ADAMTS2: variants seen among roughly 807,000 people sequenced by gnomAD.
ADAMTS2 encodes the protein A disintegrin and metalloproteinase with thrombospondin motifs 2.
ADAMTS2 carries 50 observed loss-of-function variants against 123.0 expected under a neutral mutation model. The ratio of observed to expected loss-of-function variants is 0.41; its 90% CI spans 0.32 to 0.51. The LOEUF (loss-of-function observed/expected upper bound fraction) is 0.51. ADAMTS2 is among the 20% of genes least tolerant of loss of function. ADAMTS2 has a pLI of 0.35. For synonymous variants in ADAMTS2, 678 were observed against 695.4 expected (o/e 0.98, Z 0.39); for missense variants, 1,494 against 1,705.2 (o/e 0.88, Z 2.18).
intron 2 of ADAMTS2, among the ~76,000 whole-genome samples, chr5:179,325,998 C>T (rs530535458): frequency 1.4e-4 from 21 of 152,346 alleles, no homozygotes; most frequent in Admixed American, 1.2e-3. Flanking sequence ...CTGAGGGGTG[C>T]GGAGGAAGGG....
chr5:179,334,945 ATATACTATGT>A (rs1433458424), intron 2 of ADAMTS2, among the ~76,000 whole-genome samples: 2 of 152,264 alleles, frequency 1.3e-5, no homozygotes, highest in Non-Finnish European at 2.9e-5. Flanking sequence ...AGCTGAAAAA[ATATACTATGT>A]TCCTGATGAA....
chr5:179,323,470 G>A (rs2113597436), intron 2 of ADAMTS2, among the ~76,000 whole-genome samples: 1 of 152,370 alleles, frequency 6.6e-6, no homozygotes, highest in African/African-American at 2.4e-5. Context: ...TGGACACCTG[G>A]TCCTGCCACA....
intron 2 of ADAMTS2, among the ~76,000 whole-genome samples, chr5:179,286,706 G>A (rs547258129): frequency 2.6e-5 from 4 of 152,202 alleles, no homozygotes; most frequent in South Asian, 2.1e-4. Context: ...TAGGTTGCTC[G>A]GGCAGCCATC....
intron 4 of ADAMTS2, among the ~76,000 whole-genome samples, chr5:179,205,453 C>T (rs1267230566): frequency 1.3e-5 from 2 of 152,240 alleles, no homozygotes; most frequent in Non-Finnish European, 2.9e-5. Flanking sequence ...GCCCATTTTA[C>T]AGATGAGAAA....
chr5:179,207,471 A>ACCCACCCCCCCCCC, intron 4 of ADAMTS2, 42 bp downstream of exon 4: 1 of 1,026,472 alleles, frequency 9.7e-7, no homozygotes, highest in Non-Finnish European at 1.5e-6. Context: ...CCCCTGGTTG[A>ACCCACCCCCCCCCC]CCCTCCCCGC....
intron 2 of ADAMTS2, among the ~76,000 whole-genome samples, chr5:179,288,920 C>T (rs927485442): frequency 5.3e-5 from 8 of 152,240 alleles, no homozygotes; most frequent in East Asian, 1.9e-4. Flanking sequence ...CAGCACAGCA[C>T]GGCACGGCAT....
At chr5:179,344,971 A>G (rs1032829352) in intron 1 of ADAMTS2, among the ~76,000 whole-genome samples, 1 of 151,770 alleles carries the variant, frequency 6.6e-6, no homozygotes, top group Non-Finnish European at 1.5e-5. Context: ...AGGAGCCGCC[A>G]GTGCTCCGAG....
intron 3 of ADAMTS2, among the ~76,000 whole-genome samples, chr5:179,269,554 C>T (rs1279322314): frequency 6.6e-6 from 1 of 152,146 alleles, no homozygotes; most frequent in African/African-American, 2.4e-5. Flanking sequence ...GAAAGACCCA[C>T]CCCCATGATT....
chr5:179,174,458 A>G (rs1341023549), intron 5 of ADAMTS2, among the ~76,000 whole-genome samples: 5 of 152,194 alleles, frequency 3.3e-5, no homozygotes, highest in Non-Finnish European at 7.3e-5. Context: ...ATGCTTAGAA[A>G]GCTCTTGACA....
chr5:179,129,557 C>G lies in ADAMTS2; in HGVS notation c.2457+375G>C, dbSNP rs763743801. Among the ~76,000 whole-genome samples, 3 of 152,206 alleles carry G rather than the reference C, an allele frequency of 2.0e-5. No homozygotes were observed. The highest frequency in any genetic ancestry group is 4.4e-5 in the Non-Finnish European group (3 of 68,038). On this transcript the variant is annotated intron_variant, in intron 16 of 21. Transcript: ENST00000251582. The surrounding 1 kb of genome is among the most constrained non-coding windows in gnomAD (Gnocchi z 4.1). Reference sequence around the variant, plus strand: ...GCTTAGAGACACAGTCCAGCTCAACCTGGGTCTGGGCATCTAGCTTCCCAG... The same window carrying G: ...GCTTAGAGACACAGTCCAGCTCAACGTGGGTCTGGGCATCTAGCTTCCCAG...
intron 2 of ADAMTS2, among the ~76,000 whole-genome samples, chr5:179,286,416 G>A (rs535434216): frequency 1.5e-3 from 224 of 151,842 alleles, no homozygotes; most frequent in Non-Finnish European, 2.3e-3. Context: ...AGCACTCCCA[G>A]AGACAGAGCC....
chr5:179,265,006 C>A (rs1350542232), intron 3 of ADAMTS2, among the ~76,000 whole-genome samples: 3 of 152,152 alleles, frequency 2.0e-5, no homozygotes, highest in Non-Finnish European at 4.4e-5. Context: ...CACACTGACC[C>A]CTGCACCAAC....
In ADAMTS2 at chr5:179,113,823, T is replaced by C. The variant is rs763448736; in HGVS notation, c.*44A>G. ...GATTTGCTATCCCATGGAATATCTC[T>C]ATAAGCAAGAAAAAAATGCTAGGGA... On this transcript the variant is annotated 3_prime_UTR_variant, in exon 22 of 22. Transcript: ENST00000251582. 1.8e-5 allele frequency: 29 copies of C among 1,588,148 alleles called. No homozygotes were observed. The highest frequency in any genetic ancestry group is 2.4e-5 in the Non-Finnish European group (28 of 1,156,546).
At chr5:179,274,842 G>A (rs1301399850) in intron 2 of ADAMTS2, among the ~76,000 whole-genome samples, 3 of 152,378 alleles carry the variant, frequency 2.0e-5, no homozygotes, top group South Asian at 4.1e-4. Flanking sequence ...AGGGCCTGGA[G>A]GAACACAGAG....
rs763743801 is a variant in ADAMTS2, at chr5:179,129,557, C to T, written c.2457+375G>A. 1.5e-4 allele frequency among the ~76,000 whole-genome samples: 23 copies of T among 152,206 alleles called. No homozygotes were observed. The highest frequency in any genetic ancestry group is 2.6e-4 in the Non-Finnish European group (18 of 68,038). ...GCTTAGAGACACAGTCCAGCTCAAC[C>T]TGGGTCTGGGCATCTAGCTTCCCAG... On this transcript the variant is annotated intron_variant, in intron 16 of 21. Coordinates refer to ENST00000251582, the MANE Select transcript of ADAMTS2 (RefSeq NM_014244.5). This position sits in a 1 kb window ranked among gnomAD's most constrained non-coding sequence, Gnocchi z 4.1.
intron 2 of ADAMTS2, among the ~76,000 whole-genome samples, chr5:179,326,012 A>G (rs1438603404): frequency 6.6e-6 from 1 of 152,236 alleles, no homozygotes. Context: ...GGAAGGGATC[A>G]GAGCGCTCCC....
chr5:179,130,160 G>A lies in ADAMTS2; in HGVS notation c.2291-62C>T. Reference sequence around the variant, plus strand: ...CCCAAGAGCAGGACCCAGGCCCACTGGTTTGGGCTGGTCGGGGAGTGGGGG... The same window carrying A: ...CCCAAGAGCAGGACCCAGGCCCACTAGTTTGGGCTGGTCGGGGAGTGGGGG... On this transcript the variant is annotated intron_variant, in intron 15 of 21. Transcript: ENST00000251582. This position sits in a 1 kb window ranked among gnomAD's most constrained non-coding sequence, Gnocchi z 4.3. 1.2e-6 allele frequency: 2 copies of A among 1,605,564 alleles called. No homozygotes were observed. Among genetic ancestry groups the A allele is most frequent in the Non-Finnish European group, 8.5e-7 (1 of 1,174,304 alleles).
chr5:179,202,941 C>A lies in ADAMTS2; in HGVS notation c.891+4572G>T, dbSNP rs1322296030. Among the ~76,000 whole-genome samples, 2 of 152,216 alleles carry A rather than the reference C, an allele frequency of 1.3e-5. No individual in the cohort carries two copies. The highest frequency in any genetic ancestry group is 2.9e-5 in the Non-Finnish European group (2 of 68,042). On this transcript the variant is annotated intron_variant, in intron 4 of 21. Transcript: ENST00000251582. The surrounding 1 kb of genome is among the most constrained non-coding windows in gnomAD (Gnocchi z 4.0). ...TGGCCATGCAGCTCCACACCAGCTA[C>A]AAGGGAGACTGGGGAGGGGAGCACA...
At chr5:179,134,157 T>C (rs1763013077) in intron 13 of ADAMTS2, among the ~76,000 whole-genome samples, 1 of 152,228 alleles carries the variant, frequency 6.6e-6, no homozygotes, top group South Asian at 2.1e-4. Context: ...CTGTTTCCCA[T>C]GCTTGCTGCC....
Sources: allele counts gnomAD v4.1 joint callset (sites outside exome capture counted in the v4.1 genomes callset), GRCh38; gene constraint gnomAD v4.1.1; non-coding constraint Gnocchi (gnomAD v3.1); transcripts MANE v1.5; gene names NCBI Gene and HGNC (gene_info 2026-07-23, HGNC 2026-07-21).